Variants in SH3BP5L observed in about 807,000 individuals in gnomAD.
SH3BP5L encodes SH3 binding domain protein 5 like.
A neutral mutation model predicts 40.9 loss-of-function variants in SH3BP5L; 16 were observed. That is an observed-to-expected ratio of 0.39 (90% CI 0.27 to 0.59). The LOEUF (loss-of-function observed/expected upper bound fraction) is 0.59, where lower values mean the gene tolerates loss of function less well. Ranked by LOEUF, SH3BP5L falls within the 20% of genes least tolerant of loss-of-function variation. SH3BP5L has a pLI of 0.53. For synonymous variants in SH3BP5L, 229 were observed against 226.7 expected, an observed-to-expected ratio of 1.01 and a Z score of -0.09; for missense variants, 471 against 544.6, an observed-to-expected ratio of 0.86 and a Z score of 1.35.
Position 248,825,885 on chromosome 1 carries a change from C to CCCT in SH3BP5L, c.-483_-482insAGG. 4 of 973,508 alleles carry CCCT rather than the reference C, an allele frequency of 4.1e-6. No individual in the cohort carries two copies. Among genetic ancestry groups the CCCT allele is most frequent in the Non-Finnish European group, 4.9e-6 (4 of 819,100 alleles). 60.3% of individuals were successfully genotyped at this position (973,508 alleles called of 1,614,324 possible). Reference sequence around the variant, plus strand: ...GCTTCTATGCTGCAAACAATCTCCCCCCCTCCCTCCCCGCAACAAGCCGAT... The same window carrying CCCT: ...GCTTCTATGCTGCAAACAATCTCCCCCCTCCCTCCCTCCCCGCAACAAGCCGAT... On this transcript the variant is annotated 5_prime_UTR_variant, in exon 1 of 7. Coordinates refer to ENST00000366472, the MANE Select transcript of SH3BP5L (RefSeq NM_030645.3).
In SH3BP5L at chr1:248,825,307, G is replaced by T. The variant is rs1373475360; in HGVS notation, c.-372C>A. The T allele has an allele frequency of 3.9e-6, 4 of 1,017,870 alleles. No individual in the cohort carries two copies. The highest frequency in any genetic ancestry group is 4.7e-6 in the Non-Finnish European group (4 of 850,372). 63.1% of individuals were successfully genotyped at this position (1,017,870 alleles called of 1,614,324 possible). On this transcript the variant is annotated 5_prime_UTR_variant, in exon 2 of 7. Transcript: ENST00000366472. Reference sequence around the variant, plus strand: ...AGGCAGGCGCCTCCAGGCTGTGGTGGCAGCTGGAGAGAGAAGGCTGGGCCC... The same window carrying T: ...AGGCAGGCGCCTCCAGGCTGTGGTGTCAGCTGGAGAGAGAAGGCTGGGCCC...
Position 248,812,973 on chromosome 1 carries a change from T to C in SH3BP5L, c.711+16A>G. 2 of 1,547,132 alleles carry C rather than the reference T, an allele frequency of 1.3e-6. No individual in the cohort carries two copies. The highest frequency in any genetic ancestry group is 1.8e-6 in the Non-Finnish European group (2 of 1,138,670). On this transcript the variant is annotated intron_variant, in intron 6 of 6. Transcript: ENST00000366472. The surrounding 1 kb of genome is among the most constrained non-coding windows in gnomAD (Gnocchi z 6.1). ...CCCACCTACCCATTCCTCCTCCCCC[T>C]CACCCACTCAGCTACCTCCAGGATC...
chr1:248,812,933 C>T lies in SH3BP5L; in HGVS notation c.711+56G>A. On this transcript the variant is annotated intron_variant, in intron 6 of 6. Transcript: ENST00000366472. This position sits in a 1 kb window ranked among gnomAD's most constrained non-coding sequence, Gnocchi z 6.1. The stretch of plus-strand genomic sequence containing the variant: ...GGCCCAGAGAGGCCGACCAGCATCC[C>T]CTCCAGCCTGCACCCCCACCTACCC... 5.3e-6 allele frequency: 8 copies of T among 1,498,878 alleles called. No homozygotes were observed. In the South Asian group the frequency reaches 9.0e-5, roughly 17 times the overall value. The allele number at this position is 1,498,878 out of a possible 1,614,324, so 92.8% of individuals were successfully genotyped here.
At chr1:248,819,944 A>C (rs1176817893) in intron 2 of SH3BP5L, among the ~76,000 whole-genome samples, 1 of 152,138 alleles carries the variant, frequency 6.6e-6, no homozygotes, top group African/African-American at 2.4e-5. Flanking sequence ...AAAAAATTTA[A>C]AAAAAGAGTG....
Position 248,825,213 on chromosome 1 carries a change from G to T in SH3BP5L, c.-278C>A. The T allele has an allele frequency of 8.4e-7, 1 of 1,185,472 alleles. No individual in the cohort carries two copies. The highest frequency in any genetic ancestry group is 2.6e-5 in the South Asian group (1 of 38,704). The allele number at this position is 1,185,472 out of a possible 1,614,324, so 73.4% of individuals were successfully genotyped here. A position where few individuals can be genotyped will look rare whatever the true frequency, so the allele number is the denominator to read the frequency against. On this transcript the variant is annotated 5_prime_UTR_variant, in exon 2 of 7. Transcript: ENST00000366472. ...GACAAACCCGGAGCAACAGCTCCAA[G>T]GCAGGGGGCAAAGGGGGCTTGGATC...
rs951490863 is a variant in SH3BP5L, at chr1:248,812,027, T to C, written c.1055A>G (p.Glu352Gly). The change falls in exon 7 of 7, where the codon GAG (glutamate) becomes GGG (glycine). Residue 352 changes from glutamate to glycine, a missense_variant. Glu to Gly is a moderately conservative substitution (Grantham distance 98). Transcript: ENST00000366472. The surrounding 1 kb of genome is among the most constrained non-coding windows in gnomAD (Gnocchi z 6.1). ...GTGGTCCGAGAGGCCTCGCAAGTGCTCCACGGAGTCGCACTTCTGCAGGTC... is the reference window on the plus strand; with the variant it reads ...GTGGTCCGAGAGGCCTCGCAAGTGCCCCACGGAGTCGCACTTCTGCAGGTC... ...ASDLQKCDSV[E>G]HLRGLSDHVS... The C allele has an allele frequency of 2.5e-6, 4 of 1,612,276 alleles. No homozygotes were observed. Among genetic ancestry groups the C allele is most frequent in the Non-Finnish European group, 3.4e-6 (4 of 1,179,498 alleles).
chr1:248,819,702 CAAAAAAAAA>C (rs34840808), intron 2 of SH3BP5L, among the ~76,000 whole-genome samples: 5 of 72,764 alleles, frequency 6.9e-5, no homozygotes, highest in African/African-American at 2.4e-4. Context: ...GACTCAGTCT[CAAAAAAAAA>C]AAAAAAAAAA....
Position 248,824,848 on chromosome 1 carries a change from T to A in SH3BP5L, c.88A>T (p.Ser30Cys). The change falls in exon 2 of 7, where the codon AGC (serine) becomes TGC (cysteine). Residue 30 changes from serine (S) to cysteine (C), a missense_variant. Coordinates refer to ENST00000366472, the MANE Select transcript of SH3BP5L (RefSeq NM_030645.3). ...PEVVEDEVPR[S>C]PVAEEPGGGG... ...CCTCCAGGCTCTTCTGCGACTGGGC[T>A]CCTAGGGACTTCATCCTCTACAACT... 1 of 1,614,150 alleles carries A rather than the reference T, an allele frequency of 6.2e-7. No homozygotes were observed. Among genetic ancestry groups the A allele is most frequent in the Non-Finnish European group, 8.5e-7 (1 of 1,180,018 alleles).
intron 2 of SH3BP5L, among the ~76,000 whole-genome samples, chr1:248,822,934 G>A (rs1031913349): frequency 2.0e-5 from 3 of 152,126 alleles, no homozygotes; most frequent in Non-Finnish European, 2.9e-5. Context: ...AACATGCTGG[G>A]ATTACAGGTG....
rs1663940692 is a variant in SH3BP5L at position 248,811,910 on chromosome 1, ACGCTG to A, written c.1167_1171del (p.Ser390GlnfsTer12). On this transcript the variant is annotated frameshift_variant, in exon 7 of 7. Coordinates refer to ENST00000366472, the MANE Select transcript of SH3BP5L (RefSeq NM_030645.3). LOFTEE classifies it high-confidence loss of function. ...ACCCTGGCCCCTCGGCTACAGGCTG[ACGCTG>A]CGCTGGTGCCGACCCCCACGGGCTC... 6.5e-7 allele frequency: 1 copy of A among 1,531,816 alleles called. No individual in the cohort carries two copies. The highest frequency in any genetic ancestry group is 2.0e-5 in the Admixed American group (1 of 49,780). The allele number at this position is 1,531,816 out of a possible 1,614,324, so 94.9% of individuals were successfully genotyped here.
At position 248,821,930 on chromosome 1, in the gene SH3BP5L, G is replaced by A. The variant is rs1197752529; in HGVS notation, c.183+2823C>T. On this transcript the variant is annotated intron_variant, in intron 2 of 6. Transcript: ENST00000366472. This position sits in a 1 kb window ranked among gnomAD's most constrained non-coding sequence, Gnocchi z 4.6. ...TCATCCGAAGGACAGCCATTTCCGG[G>A]AGCCTCAGAAAATACCGAAACAGGC... Among the ~76,000 whole-genome samples the A allele has an allele frequency of 6.6e-6, 1 of 152,184 alleles. No homozygotes were observed. Among genetic ancestry groups the A allele is most frequent in the Non-Finnish European group, 1.5e-5 (1 of 68,036 alleles).
Position 248,811,951 on chromosome 1 carries a change from G to A in SH3BP5L, c.1131C>T (p.Gly377=). 1 of 1,568,408 alleles carries A rather than the reference G, an allele frequency of 6.4e-7. No homozygotes were observed. Among genetic ancestry groups the A allele is most frequent in the African/African-American group, 1.3e-5 (1 of 74,378 alleles). Residue 377 remains glycine (G), a synonymous_variant, in exon 7 of 7, where the codon GGC becomes GGT. Transcript: ENST00000366472. ...GACCCCCACGGGCTCCGCCGTCGCT[G>A]CCCCGGCGCCCTCCACTCCGCGTTC... ...ELGTRSGGRR[G]SDGGARGGRH... is the part of the protein sequence containing the mutation.
At chr1:248,817,301 G>A (rs1488945854) in intron 2 of SH3BP5L, among the ~76,000 whole-genome samples, 2 of 152,200 alleles carry the variant, frequency 1.3e-5, no homozygotes, top group Non-Finnish European at 2.9e-5. Context: ...CCAGGGCAGG[G>A]CCACTCAGTC....
intron 1 of SH3BP5L, 164 bp from the exon 2 acceptor site, chr1:248,825,530 CT>C: frequency 3.2e-6 from 1 of 314,488 alleles, no homozygotes; most frequent in Non-Finnish European, 4.6e-6. Flanking sequence ...CCCTCAAGGA[CT>C]TTAGATTCTA....
chr1:248,814,218 G>T, intron 5 of SH3BP5L: 1 of 570,742 alleles, frequency 1.8e-6, no homozygotes, highest in South Asian at 2.1e-5. Flanking sequence ...ACACCTGGAG[G>T]CAAACGTTCA....
intron 2 of SH3BP5L, among the ~76,000 whole-genome samples, chr1:248,819,144 T>C (rs771686856): frequency 7.9e-5 from 12 of 152,134 alleles, no homozygotes; most frequent in Non-Finnish European, 1.0e-4. Flanking sequence ...CAGGTAAGAA[T>C]ACAGGAAATG....
At chr1:248,814,374 A>T in intron 5 of SH3BP5L, 75 bp downstream of exon 5, 1 of 1,462,260 alleles carries the variant, frequency 6.8e-7, no homozygotes, top group Non-Finnish European at 9.5e-7. Context: ...AAGAATGAGG[A>T]GGTGAGGTGA....
intron 2 of SH3BP5L, among the ~76,000 whole-genome samples, chr1:248,818,590 G>C (rs915159349): frequency 6.6e-6 from 1 of 152,218 alleles, no homozygotes; most frequent in African/African-American, 2.4e-5. Flanking sequence ...AGAGTCCTGG[G>C]GAAAAGTTGC....
At position 248,821,928 on chromosome 1, in the gene SH3BP5L, G is replaced by A. The variant is rs147112636; in HGVS notation, c.183+2825C>T. 1.1e-4 allele frequency among the ~76,000 whole-genome samples: 17 copies of A among 152,248 alleles called. No individual in the cohort carries two copies. The East Asian group carries it at 2.5e-3, about 22-fold the overall frequency. On this transcript the variant is annotated intron_variant, in intron 2 of 6. Transcript: ENST00000366472. The surrounding 1 kb of genome is among the most constrained non-coding windows in gnomAD (Gnocchi z 4.6). ...CCTCATCCGAAGGACAGCCATTTCC[G>A]GGAGCCTCAGAAAATACCGAAACAG... is the stretch of plus-strand genomic sequence containing the variant.
Sources: allele counts gnomAD v4.1 joint callset (sites outside exome capture counted in the v4.1 genomes callset), GRCh38; gene constraint gnomAD v4.1.1; non-coding constraint Gnocchi (gnomAD v3.1); transcripts MANE v1.5; gene names NCBI Gene and HGNC (gene_info 2026-07-23, HGNC 2026-07-21).